PRKAR1A: variants seen among roughly 807,000 people sequenced by gnomAD.
The protein encoded by PRKAR1A is protein kinase cAMP-dependent type I regulatory subunit alpha.
Under a neutral mutation model 52.0 loss-of-function variants are expected in PRKAR1A, and 3 were observed. That is an observed-to-expected ratio of 0.06 (90% CI 0.03 to 0.15). PRKAR1A has a LOEUF of 0.15. Ranked by LOEUF, PRKAR1A falls within the 10% of genes least tolerant of loss-of-function variation. The pLI, the probability that PRKAR1A is intolerant of heterozygous loss-of-function variation, is 1.00. For missense variants in PRKAR1A, 240 were observed against 477.4 expected (o/e 0.50, Z 4.63); for synonymous variants, 188 against 168.4 (o/e 1.12, Z -0.90).
At chr17:68,422,967 G>A in the PRKAR1A span, among the ~76,000 whole-genome samples, 1 of 152,126 alleles carries the variant, frequency 6.6e-6, no homozygotes, top group African/African-American at 2.4e-5. Flanking sequence ...ATCCCAAGGA[G>A]GCAAGCGTGA....
chr17:68,486,511 T>TCCTTCCTTCCC, the PRKAR1A span, among the ~76,000 whole-genome samples: 113 of 42,268 alleles, frequency 2.7e-3, no homozygotes, highest in Middle Eastern at 0.024. Context: ...CCTTCCTTCT[T>TCCTTCCTTCCC]TCTTTCTTTC....
At chr17:68,426,250 G>GGGGGGC in the PRKAR1A span, 1 of 828,058 alleles carries the variant, frequency 1.2e-6, no homozygotes, top group Non-Finnish European at 1.9e-6. Context: ...GGTGGGGAGC[G>GGGGGGC]GGGGCTCAAA....
At chr17:68,426,312 T>C in the PRKAR1A span, 13 of 697,328 alleles carry the variant, frequency 1.9e-5, no homozygotes, top group Admixed American at 7.1e-5. Context: ...GGAGGTACTG[T>C]GCCTAGGACA....
chr17:68,534,921 A>T (rs1049782268), downstream of PRKAR1A, among the ~76,000 whole-genome samples: 1 of 152,234 alleles, frequency 6.6e-6, no homozygotes. Flanking sequence ...GTATTTGCCA[A>T]TGCAGTGTTT....
intron 11 of PRKAR1A, among the ~76,000 whole-genome samples, chr17:68,539,592 CTTCA>C (rs2086199998): frequency 6.6e-6 from 1 of 152,228 alleles, no homozygotes; most frequent in Non-Finnish European, 1.5e-5. Context: ...CTAAGCAATC[CTTCA>C]TTCATTCACT....
the PRKAR1A span, among the ~76,000 whole-genome samples, chr17:68,463,123 G>A: frequency 6.6e-6 from 1 of 152,116 alleles, no homozygotes; most frequent in East Asian, 1.9e-4. Flanking sequence ...TAGGGTGAGA[G>A]GGGCGTGGCT....
rs2085977984 is a variant in PRKAR1A at position 68,531,625 on chromosome 17, T to C, written c.*1176T>C. Reference sequence around the variant, plus strand: ...GGTTGATGGTAGGGTATAATGTGTCTGTGTTGCTTCAAATTGGTCTGAAAG... The same window carrying C: ...GGTTGATGGTAGGGTATAATGTGTCCGTGTTGCTTCAAATTGGTCTGAAAG... On this transcript the variant is annotated 3_prime_UTR_variant, in exon 11 of 11. Transcript: ENST00000589228. 2 of 1,066,268 alleles carry C rather than the reference T, an allele frequency of 1.9e-6. No homozygotes were observed. The highest frequency in any genetic ancestry group is 1.6e-5 in the African/African-American group (1 of 61,110). The allele number at this position is 1,066,268 out of a possible 1,614,324, so 66.1% of individuals were successfully genotyped here.
At chr17:68,447,487 T>C in the PRKAR1A span, among the ~76,000 whole-genome samples, 4 of 152,126 alleles carry the variant, frequency 2.6e-5, no homozygotes, top group Non-Finnish European at 5.9e-5. Context: ...GCTTAAACGA[T>C]CCTCCTGCCT....
At chr17:68,487,727 G>A in the PRKAR1A span, among the ~76,000 whole-genome samples, 1 of 151,696 alleles carries the variant, frequency 6.6e-6, no homozygotes, top group African/African-American at 2.4e-5. Context: ...CTTGAAGCAG[G>A]AGGCGGAGGT....
Position 68,525,074 on chromosome 17 carries a change from T to C in PRKAR1A, c.549+116T>C, listed in dbSNP as rs143657859. On this transcript the variant is annotated intron_variant, in intron 6 of 10. Transcript: ENST00000589228. Reference sequence around the variant, plus strand: ...ATTACATCCCTTGTATGTCAGATTTTATTAATACCTTTTGCCAAGTATTTT... The same window carrying C: ...ATTACATCCCTTGTATGTCAGATTTCATTAATACCTTTTGCCAAGTATTTT... The C allele has an allele frequency of 4.7e-4, 389 of 826,778 alleles. 3 individuals carry two copies. The African/African-American group carries it at 4.8e-3, about 10-fold the overall frequency. The allele number at this position is 826,778 out of a possible 1,614,324, so 51.2% of individuals were successfully genotyped here.
downstream of PRKAR1A, chr17:68,537,409 C>G: frequency 6.2e-7 from 1 of 1,603,550 alleles, no homozygotes. The surrounding 1 kb of genome is among the most constrained non-coding windows in gnomAD (Gnocchi z 4.2). Context: ...AGTGAGGACG[C>G]AGGGTCGGCA....
chr17:68,447,434 T>C, the PRKAR1A span, among the ~76,000 whole-genome samples: 1 of 152,228 alleles, frequency 6.6e-6, no homozygotes, highest in Non-Finnish European at 1.5e-5. Flanking sequence ...TAGGCTGGAA[T>C]GCAGCAGCGT....
At chr17:68,506,359 C>T in the PRKAR1A span, among the ~76,000 whole-genome samples, 1 of 152,148 alleles carries the variant, frequency 6.6e-6, no homozygotes, top group Non-Finnish European at 1.5e-5. Flanking sequence ...TTTTGGCTGG[C>T]TTTTTCTGAT....
chr17:68,542,710 A>G, intron 11 of PRKAR1A: 1 of 1,613,696 alleles, frequency 6.2e-7, no homozygotes, highest in Non-Finnish European at 8.5e-7. Context: ...AGACAAAGAA[A>G]ACACTCTGCA....
intron 8 of PRKAR1A, 102 bp downstream of exon 8, chr17:68,528,002 T>G: frequency 9.8e-7 from 1 of 1,017,870 alleles, no homozygotes; most frequent in Non-Finnish European, 1.5e-6. Flanking sequence ...TTGCTACTCA[T>G]TCCCCCTGAA....
chr17:68,470,343 G>A, the PRKAR1A span, among the ~76,000 whole-genome samples: 1,821 of 152,326 alleles, frequency 0.012, 22 homozygotes, highest in Non-Finnish European at 0.018. Context: ...GCCTCCCAAA[G>A]TGCTGGGATT....
At chr17:68,420,172 T>C in the PRKAR1A span, 11 of 1,612,274 alleles carry the variant, frequency 6.8e-6, no homozygotes, top group Non-Finnish European at 9.3e-6. Flanking sequence ...AGGCATTTGT[T>C]GTCATTCCCT....
At position 68,530,418 on chromosome 17, in the gene PRKAR1A, A is replaced by G. The variant is rs1268436057; in HGVS notation, c.1115A>G (p.Gln372Arg). 2.5e-6 allele frequency: 4 copies of G among 1,614,162 alleles called. No homozygotes were observed. In the Admixed American group the frequency reaches 6.7e-5, roughly 27 times the overall value. ...GACATCCTCAAACGAAACATCCAGC[A>G]GTACAACAGTTTTGTGTCACTGTCT... The part of the protein sequence containing the change: ...CSDILKRNIQ[Q>R]YNSFVSLSV The change falls in exon 11 of 11, where the codon CAG becomes CGG. Residue 372 changes from glutamine (Q) to arginine (R), a missense_variant. By Grantham distance (43) the Gln-to-Arg change is conservative. Around this residue, in one of 4 missense-constraint regions of PRKAR1A, gnomAD observed 26 missense variants for 53.6 expected, o/e 0.48. Coordinates refer to ENST00000589228, the MANE Select transcript of PRKAR1A (RefSeq NM_002734.5).
In PRKAR1A at chr17:68,524,952, G is replaced by A. The variant is rs2085739777; in HGVS notation, c.543G>A (p.Glu181=). 6.2e-7 allele frequency: 1 copy of A among 1,608,626 alleles called. No individual in the cohort carries two copies. Among genetic ancestry groups the A allele is most frequent in the Non-Finnish European group, 8.5e-7 (1 of 1,175,320 alleles). The change falls in exon 6 of 11, where the codon GAG becomes GAA. Residue 181 remains glutamate (E), a synonymous_variant. Transcript: ENST00000589228. ...GDNFYVIDQG[E]TDVYVNNEWA... is the part of the protein sequence containing the mutation. ...ACTTCTATGTGATTGATCAAGGAGAGACGGATGTAAGATTTACCAATATCA... is the reference window on the plus strand; with the variant it reads ...ACTTCTATGTGATTGATCAAGGAGAAACGGATGTAAGATTTACCAATATCA...
Sources: gnomAD v4.1 joint callset for allele counts (sites outside exome capture counted in the v4.1 genomes callset) on GRCh38, gnomAD v4.1.1 for gene constraint, gnomAD v4.1.1 regional missense constraint, Gnocchi (gnomAD v3.1) non-coding constraint, MANE v1.5 for transcripts, NCBI Gene and HGNC (gene_info 2026-07-23, HGNC 2026-07-21) for gene names.